The following TNS3 variants were observed in gnomAD, a reference collection of about 807,000 sequenced individuals.
TNS3 encodes the protein tensin 3, also known as tensin-3.
TNS3 carries 45 observed loss-of-function variants against 140.9 expected under a neutral mutation model. The observed-to-expected ratio is 0.32, with a 90% CI of 0.25 to 0.41. The LOEUF (loss-of-function observed/expected upper bound fraction) is 0.41, where lower values mean the gene tolerates loss of function less well. TNS3 is among the 10% of genes least tolerant of loss of function. The probability of loss-of-function intolerance (pLI) is 1.00; values close to 1 mark genes in which losing one functional copy is unlikely to be tolerated. For synonymous variants in TNS3, 815 were observed against 788.4 expected (o/e 1.03, Z -0.56); for missense variants, 1,716 against 1,906.7 (o/e 0.90, Z 1.86).
intron 3 of TNS3, among the ~76,000 whole-genome samples, chr7:47,485,104 T>G (rs968160094): frequency 6.6e-6 from 1 of 152,164 alleles, no homozygotes; most frequent in South Asian, 2.1e-4. Context: ...GGCTGGGATG[T>G]GTGCGGTGGC....
At chr7:47,360,935 A>G (rs1007844859) in intron 17 of TNS3, among the ~76,000 whole-genome samples, 3 of 151,460 alleles carry the variant, frequency 2.0e-5, no homozygotes, top group Non-Finnish European at 4.4e-5. Context: ...CGGATCTGAA[A>G]CCCCCATACC....
intron 1 of TNS3, among the ~76,000 whole-genome samples, chr7:47,572,987 A>C (rs1257480447): frequency 6.6e-6 from 1 of 152,202 alleles, no homozygotes; most frequent in African/African-American, 2.4e-5. Flanking sequence ...AAGGCCTCAC[A>C]GGGATATGTG....
intron 3 of TNS3, among the ~76,000 whole-genome samples, chr7:47,500,871 G>C (rs1798186680): frequency 6.6e-6 from 1 of 152,086 alleles, no homozygotes; most frequent in Non-Finnish European, 1.5e-5. Flanking sequence ...CTTGAGGTTA[G>C]GAGTTTGAGA....
chr7:47,425,264 C>T lies in TNS3; in HGVS notation c.390-1080G>A, dbSNP rs181791286. Among the ~76,000 whole-genome samples, 175 of 152,220 alleles carry T rather than the reference C, an allele frequency of 1.1e-3. 1 individual carries two copies. Among genetic ancestry groups the T allele is most frequent in the African/African-American group, 3.6e-3 (150 of 41,518 alleles). On this transcript the variant is annotated intron_variant, in intron 9 of 30. Transcript: ENST00000311160. Reference sequence around the variant, plus strand: ...CCCGGGAGGCAGAGGTTGTAGTGAGCAGAGATCGCACCATTGCACTCCAGC... The same window carrying T: ...CCCGGGAGGCAGAGGTTGTAGTGAGTAGAGATCGCACCATTGCACTCCAGC...
At chr7:47,285,553 G>A in intron 27 of TNS3, among the ~76,000 whole-genome samples, 1 of 152,274 alleles carries the variant, frequency 6.6e-6, no homozygotes, top group Non-Finnish European at 1.5e-5. Flanking sequence ...GGCCTCCCCA[G>A]CCATGTGAAA....
At chr7:47,580,042 AGTGCCCTGGG>A (rs148681139) in intron 1 of TNS3, 44,197 of 155,660 alleles carry the variant, frequency 0.28, 7,801 homozygotes, top group East Asian at 0.53. Flanking sequence ...AGGAATAAGT[AGTGCCCTGGG>A]GCTACTAGTT....
chr7:47,466,926 AT>A (rs1796741410), intron 4 of TNS3, among the ~76,000 whole-genome samples: 1 of 152,204 alleles, frequency 6.6e-6, no homozygotes, highest in South Asian at 2.1e-4. Context: ...GCTTCTCTTT[AT>A]TTACCAAATC....
At chr7:47,479,950 G>A (rs371420128) in intron 4 of TNS3, among the ~76,000 whole-genome samples, 11 of 152,308 alleles carry the variant, frequency 7.2e-5, no homozygotes, top group South Asian at 6.2e-4. Flanking sequence ...CCACCCCCAC[G>A]CCCACTGGGT....
chr7:47,534,134 C>T (rs965839361), intron 1 of TNS3, among the ~76,000 whole-genome samples: 6 of 151,872 alleles, frequency 4.0e-5, no homozygotes, highest in Admixed American at 1.3e-4. Flanking sequence ...ATTAGCTGGG[C>T]GTGGTGGCGG....
At chr7:47,292,640 A>G (rs884824) in intron 26 of TNS3, among the ~76,000 whole-genome samples, 188 bp downstream of exon 26, 61,686 of 152,162 alleles carry the variant, frequency 0.41, 12,777 homozygotes, top group Non-Finnish European at 0.44. Flanking sequence ...CTGTCAGTGA[A>G]GTAGAATCTC....
In TNS3 at chr7:47,491,454, G is replaced by C. The variant is rs528200167; in HGVS notation, c.-114-10313C>G. On this transcript the variant is annotated intron_variant, in intron 3 of 30. Coordinates refer to ENST00000311160, the MANE Select transcript of TNS3 (RefSeq NM_022748.12). ...CATAGGGATAATACGACCTCGCGGG[G>C]TGGATGTGAACCTCAAGCTCATAGG... Among the ~76,000 whole-genome samples, 17 of 152,232 alleles carry C rather than the reference G, an allele frequency of 1.1e-4. No homozygotes were observed. In the South Asian group the frequency reaches 3.5e-3, roughly 32 times the overall value.
At chr7:47,307,402 T>C (rs1786821244) in intron 20 of TNS3, among the ~76,000 whole-genome samples, 1 of 152,254 alleles carries the variant, frequency 6.6e-6, no homozygotes, top group African/African-American at 2.4e-5. Flanking sequence ...ATTTACCTGT[T>C]GATGGACACT....
intron 13 of TNS3, among the ~76,000 whole-genome samples, chr7:47,409,945 C>A (rs530225475): frequency 1.3e-5 from 2 of 152,242 alleles, no homozygotes; most frequent in Non-Finnish European, 2.9e-5. Context: ...GCGTGAGCCA[C>A]TGCGCCCAGC....
Position 47,283,182 on chromosome 7 carries a change from G to A in TNS3, c.4097+515C>T, listed in dbSNP as rs764588179. Among the ~76,000 whole-genome samples the A allele has an allele frequency of 5.4e-4, 83 of 152,348 alleles. 1 individual carries two copies. In the Middle Eastern group the frequency reaches 0.014, roughly 25 times the overall value. On this transcript the variant is annotated intron_variant, in intron 28 of 30. Coordinates refer to ENST00000311160, the MANE Select transcript of TNS3 (RefSeq NM_022748.12). ...CTGCTCTGTTCCATGCTTATGCTGG[G>A]CATTCAGTAAAGATCCACATGGAGA...
intron 3 of TNS3, among the ~76,000 whole-genome samples, chr7:47,497,934 C>T (rs1156447292): frequency 6.6e-6 from 1 of 152,178 alleles, no homozygotes; most frequent in East Asian, 1.9e-4. Flanking sequence ...GCCTCATCTT[C>T]TCTGGGTGTC....
chr7:47,423,955 C>A, intron 10 of TNS3, 146 bp downstream of exon 10: 1 of 794,832 alleles, frequency 1.3e-6, no homozygotes, highest in Non-Finnish European at 2.0e-6. Flanking sequence ...GGACAAGTCT[C>A]CCCACCACCT....
chr7:47,419,176 A>G (rs1165257862), intron 10 of TNS3, among the ~76,000 whole-genome samples: 2 of 152,252 alleles, frequency 1.3e-5, no homozygotes, highest in Admixed American at 6.5e-5. Flanking sequence ...GTAGACCACA[A>G]CACATCTGCC....
At chr7:47,488,878 GGGC>G (rs1242030248) in intron 3 of TNS3, among the ~76,000 whole-genome samples, 7 of 152,064 alleles carry the variant, frequency 4.6e-5, no homozygotes, top group African/African-American at 1.7e-4. Flanking sequence ...TGGGGACAGG[GGGC>G]TAGGTAGAGG....
intron 16 of TNS3, among the ~76,000 whole-genome samples, chr7:47,380,924 C>T (rs3801082): frequency 0.18 from 27,089 of 152,174 alleles, 2,710 homozygotes; most frequent in Non-Finnish European, 0.22. Flanking sequence ...GTGCCACCTC[C>T]CTCCCAGGCA....
Sources: allele counts gnomAD v4.1 joint callset (sites outside exome capture counted in the v4.1 genomes callset), GRCh38; gene constraint gnomAD v4.1.1; transcripts MANE v1.5; gene names NCBI Gene and HGNC (gene_info 2026-07-23, HGNC 2026-07-21).